The following RELN variants were observed in gnomAD, a reference collection of about 807,000 sequenced individuals.
RELN encodes the protein reelin.
Under a neutral mutation model 427.6 loss-of-function variants are expected in RELN, and 108 were observed. The observed-to-expected ratio is 0.25, with a 90% CI of 0.22 to 0.30. The LOEUF (loss-of-function observed/expected upper bound fraction) is 0.30. Among genes scored for constraint, RELN ranks in the 10% least tolerant of loss-of-function variants. The pLI is 1.00. For synonymous variants in RELN, 1,524 were observed against 1,513.4 expected (o/e 1.01, Z -0.16); for missense variants, 3,715 against 4,302.8 (o/e 0.86, Z 3.82).
At chr7:103,864,813 A>C (rs1794155652) in intron 2 of RELN, among the ~76,000 whole-genome samples, 1 of 152,162 alleles carries the variant, frequency 6.6e-6, no homozygotes, top group Non-Finnish European at 1.5e-5. Context: ...TAGCCAGACT[A>C]AGAAAAAGAG....
rs1467892671 is a variant in RELN, at chr7:103,698,219, C to A, written c.903-126G>T. ...GTTATATTTATTACAGATAAAATAG[C>A]TACAATCTCATAGCCCTTAAATCTT... On this transcript the variant is annotated intron_variant, in intron 9 of 64. Coordinates refer to ENST00000428762, the MANE Select transcript of RELN (RefSeq NM_005045.4). The A allele has an allele frequency of 3.4e-6, 4 of 1,174,568 alleles. No homozygotes were observed. In the East Asian group the frequency reaches 9.4e-5, roughly 28 times the overall value. The allele number at this position is 1,174,568 out of a possible 1,614,324, so 72.8% of individuals were successfully genotyped here.
chr7:103,627,165 C>T (rs903506593), intron 20 of RELN, among the ~76,000 whole-genome samples: 2 of 151,880 alleles, frequency 1.3e-5, no homozygotes, highest in African/African-American at 4.8e-5. Flanking sequence ...TTTGTAAGAC[C>T]ACATATATAT....
Position 103,558,168 on chromosome 7 carries a change from C to G in RELN, c.5530-119G>C, listed in dbSNP as rs1206468856. On this transcript the variant is annotated intron_variant, in intron 36 of 64. Coordinates refer to ENST00000428762, the MANE Select transcript of RELN (RefSeq NM_005045.4). ...ATAAATACATATCATGATCAAGAAG[C>G]AAATTTTGCCTAGTTTAAAAGGAAA... 4.6e-6 allele frequency: 3 copies of G among 649,750 alleles called. No individual in the cohort carries two copies. In the East Asian group the frequency reaches 8.5e-5, roughly 18 times the overall value. 40.2% of individuals were successfully genotyped at this position (649,750 alleles called of 1,614,324 possible). A position where few individuals can be genotyped will look rare whatever the true frequency, so the allele number is the denominator to read the frequency against.
chr7:103,691,223 C>G (rs987470360), intron 10 of RELN, among the ~76,000 whole-genome samples: 3 of 152,100 alleles, frequency 2.0e-5, no homozygotes, highest in Non-Finnish European at 4.4e-5. Context: ...GCTAATTACT[C>G]TATTTGAAAC....
rs1185334042 is a variant in RELN, at chr7:103,989,473, C to A, written c.-117G>T. 6.6e-6 allele frequency: 6 copies of A among 907,866 alleles called. No homozygotes were observed. The highest frequency in any genetic ancestry group is 9.0e-6 in the Non-Finnish European group (6 of 664,326). The allele number at this position is 907,866 out of a possible 1,614,324, so 56.2% of individuals were successfully genotyped here. ...AAGGCGAGAAGAAGGCGGACGGGAG[C>A]GGAACGGGCTCGGGAGCGGGCCTGG... is the stretch of plus-strand genomic sequence containing the variant. On this transcript the variant is annotated 5_prime_UTR_variant, in exon 1 of 65. Transcript: ENST00000428762. The surrounding 1 kb of genome is among the most constrained non-coding windows in gnomAD (Gnocchi z 4.9).
At chr7:103,574,352 G>T in intron 29 of RELN, 53 bp from the exon 30 acceptor site, 1 of 1,491,538 alleles carries the variant, frequency 6.7e-7, no homozygotes, top group Non-Finnish European at 9.3e-7. Flanking sequence ...CATTCAAAAC[G>T]AGGTCTATTC....
intron 4 of RELN, among the ~76,000 whole-genome samples, chr7:103,771,710 C>T (rs547223239): frequency 6.6e-6 from 1 of 152,336 alleles, no homozygotes; most frequent in South Asian, 2.1e-4. Context: ...CCTGTTCTCA[C>T]CTGCACCCCC....
At chr7:103,954,458 G>GTA (rs397697082) in intron 1 of RELN, among the ~76,000 whole-genome samples, 2 of 151,934 alleles carry the variant, frequency 1.3e-5, no homozygotes, top group African/African-American at 2.4e-5. Context: ...GTGTGTGTGT[G>GTA]CACACACATG....
intron 17 of RELN, among the ~76,000 whole-genome samples, chr7:103,639,741 T>G (rs569108295): frequency 8.2e-4 from 125 of 152,256 alleles, no homozygotes; most frequent in Non-Finnish European, 1.4e-3. Flanking sequence ...TTTTATGAGT[T>G]CTCTACTCAT....
At chr7:103,523,135 A>G (rs1227191119) in intron 47 of RELN, among the ~76,000 whole-genome samples, 1 of 152,206 alleles carries the variant, frequency 6.6e-6, no homozygotes, top group Non-Finnish European at 1.5e-5. Context: ...TCACAGAAAC[A>G]CAGAAGGAAA....
intron 1 of RELN, among the ~76,000 whole-genome samples, chr7:103,964,077 T>G (rs1796615093): frequency 6.6e-6 from 1 of 152,064 alleles, no homozygotes; most frequent in African/African-American, 2.4e-5. Flanking sequence ...GAGGATCACT[T>G]GAGCAGGGGA....
Position 103,620,229 on chromosome 7 carries a change from T to TTGCCTTC in RELN, c.2703-8433_2703-8427dup, listed in dbSNP as rs1341846927. 3.3e-5 allele frequency among the ~76,000 whole-genome samples: 5 copies of TTGCCTTC among 152,310 alleles called. No individual in the cohort carries two copies. Among genetic ancestry groups the TTGCCTTC allele is most frequent in the African/African-American group, 1.2e-4 (5 of 41,564 alleles). On this transcript the variant is annotated intron_variant, in intron 20 of 64. Transcript: ENST00000428762. This position sits in a 1 kb window ranked among gnomAD's most constrained non-coding sequence, Gnocchi z 4.1. ...TCTGCTGCCATGTAAGACGTGCCTTTTGCCTTCTGCCATGATTGTGAGGCC... is the reference window on the plus strand; with the variant it reads ...TCTGCTGCCATGTAAGACGTGCCTTTTGCCTTCTGCCTTCTGCCATGATTGTGAGGCC...
intron 27 of RELN, among the ~76,000 whole-genome samples, chr7:103,592,261 T>C (rs1462117566): frequency 1.3e-5 from 2 of 152,208 alleles, no homozygotes; most frequent in African/African-American, 2.4e-5. Flanking sequence ...ATTGTTTAGC[T>C]GCCACTTACA....
intron 43 of RELN, among the ~76,000 whole-genome samples, chr7:103,542,500 G>T (rs551627909): frequency 6.6e-6 from 1 of 152,110 alleles, no homozygotes; most frequent in Non-Finnish European, 1.5e-5. Context: ...GTTAATTTTT[G>T]CCTGTTTAGG....
intron 6 of RELN, among the ~76,000 whole-genome samples, chr7:103,749,206 A>T (rs1790931898): frequency 6.6e-6 from 1 of 152,058 alleles, no homozygotes; most frequent in South Asian, 2.1e-4. Flanking sequence ...ATCTAACCAC[A>T]CTCATGGCTT....
intron 20 of RELN, among the ~76,000 whole-genome samples, chr7:103,613,843 C>A (rs577555931): frequency 6.6e-6 from 1 of 152,308 alleles, no homozygotes; most frequent in African/African-American, 2.4e-5. Context: ...CCCACCTGAG[C>A]ATTTCTGAAA....
intron 3 of RELN, among the ~76,000 whole-genome samples, chr7:103,779,093 T>G (rs574401595): frequency 6.6e-6 from 1 of 152,276 alleles, no homozygotes; most frequent in East Asian, 1.9e-4. Context: ...AGGTCTTAGA[T>G]TCGAGGCCTT....
chr7:103,841,622 C>A (rs1793553456), intron 2 of RELN, among the ~76,000 whole-genome samples: 1 of 152,082 alleles, frequency 6.6e-6, no homozygotes, highest in African/African-American at 2.4e-5. Context: ...ACCCCGTTTT[C>A]CCCCAGGAAT....
At chr7:103,832,594 GC>G (rs1264101161) in intron 3 of RELN, among the ~76,000 whole-genome samples, 1 of 152,114 alleles carries the variant, frequency 6.6e-6, no homozygotes, top group Non-Finnish European at 1.5e-5. Context: ...GAAGGATGAG[GC>G]ATGGTGACTG....
Sources: gnomAD v4.1 joint callset for allele counts (sites outside exome capture counted in the v4.1 genomes callset) on GRCh38, gnomAD v4.1.1 for gene constraint, Gnocchi (gnomAD v3.1) non-coding constraint, MANE v1.5 for transcripts, NCBI Gene and HGNC (gene_info 2026-07-23, HGNC 2026-07-21) for gene names.